Variants in MCF2L observed in about 807,000 individuals in gnomAD.
MCF2L encodes the protein guanine nucleotide exchange factor DBS.
Under a neutral mutation model 153.4 loss-of-function variants are expected in MCF2L, and 97 were observed. The ratio of observed to expected loss-of-function variants is 0.63; its 90% CI spans 0.54 to 0.75. The LOEUF is 0.75. Ranked by LOEUF, MCF2L falls within the 30% of genes least tolerant of loss-of-function variation. MCF2L has a pLI of 0.00. For synonymous variants in MCF2L, 659 were observed against 632.2 expected (o/e 1.04, Z -0.64); for missense variants, 1,347 against 1,495.2 (o/e 0.90, Z 1.64).
At position 113,016,135 on chromosome 13, in the gene MCF2L, C is replaced by G. The variant is rs114880093; in HGVS notation, c.163+1289C>G. 7.4e-3 allele frequency among the ~76,000 whole-genome samples: 1,125 copies of G among 152,308 alleles called. 13 individuals are homozygous for G. Among genetic ancestry groups the G allele is most frequent in the African/African-American group, 0.025 (1,038 of 41,554 alleles). On this transcript the variant is annotated intron_variant, in intron 2 of 29. Transcript: ENST00000535094. The stretch of plus-strand genomic sequence containing the variant: ...TTCTCGATCGTTCCTCAGACGCCAG[C>G]CCAGGAGCTCTGGGGGGGATTTTGC...
At chr13:113,038,478 A>G (rs964212152) in intron 3 of MCF2L, among the ~76,000 whole-genome samples, 106 of 152,140 alleles carry the variant, frequency 7.0e-4, no homozygotes, top group Non-Finnish European at 4.9e-4. Flanking sequence ...AAAAAAAAAA[A>G]AAAGAAAGAA....
At chr13:113,057,193 TGGTGCTGAGTGTTTA>T (rs2030141492) in intron 4 of MCF2L, among the ~76,000 whole-genome samples, 1 of 125,428 alleles carries the variant, frequency 8.0e-6, no homozygotes, top group African/African-American at 3.1e-5. Context: ...CTGTGTGTTT[TGGTGCTGAGTGTTTA>T]GGTGCTGTGT....
intron 2 of MCF2L, among the ~76,000 whole-genome samples, chr13:112,903,250 C>T (rs1297254432): frequency 6.6e-6 from 1 of 152,216 alleles, no homozygotes; most frequent in African/African-American, 2.4e-5. Flanking sequence ...GCTGCCTGCT[C>T]TAAATCTGGT....
At chr13:113,033,413 G>A (rs112286266) in intron 3 of MCF2L, among the ~76,000 whole-genome samples, 69 of 29,620 alleles carry the variant, frequency 2.3e-3, no homozygotes, top group Non-Finnish European at 2.9e-3. Context: ...GGACCCCGTG[G>A]CGTGAGTGGC....
intron 17 of MCF2L, among the ~76,000 whole-genome samples, chr13:113,083,264 C>G (rs559648445): frequency 1.3e-5 from 2 of 152,166 alleles, no homozygotes; most frequent in African/African-American, 2.4e-5. Flanking sequence ...ACCAGCGTGC[C>G]CCACTGGCCA....
chr13:113,076,161 A>G lies in MCF2L; in HGVS notation c.1500+4A>G. The G allele has an allele frequency of 6.2e-7, 1 of 1,607,402 alleles. No homozygotes were observed. Among genetic ancestry groups the G allele is most frequent in the Non-Finnish European group, 8.5e-7 (1 of 1,175,472 alleles). On this transcript the variant is annotated splice_donor_region_variant and intron_variant, in intron 12 of 29. Coordinates refer to ENST00000535094, the MANE Select transcript of MCF2L (RefSeq NM_001112732.3). ...CATCCTCAACCAAGATCTCATGGTA[A>G]CGCTGACTCGGGCTCTCCATTTGCA...
At chr13:112,927,495 T>C (rs1207285523) in intron 2 of MCF2L, among the ~76,000 whole-genome samples, 1 of 152,150 alleles carries the variant, frequency 6.6e-6, no homozygotes, top group Non-Finnish European at 1.5e-5. Flanking sequence ...GAAAAATGTT[T>C]CCAACGAGCC....
Position 112,943,992 on chromosome 13 carries a change from TGAGGGGAGGGTCCCGGGCCTTGAGGG to T in MCF2L, c.169+41631_169+41656del, listed in dbSNP as rs1159946448. 1.3e-4 allele frequency among the ~76,000 whole-genome samples: 15 copies of T among 115,384 alleles called. No homozygotes were observed. Among genetic ancestry groups the T allele is most frequent in the Admixed American group, 1.0e-3 (12 of 11,974 alleles). The allele number at this position is 115,384 out of a possible 152,430, so 75.7% of individuals were successfully genotyped here. On this transcript the variant is annotated intron_variant, in intron 2 of 29. Transcript: ENST00000375608. The surrounding 1 kb of genome is among the most constrained non-coding windows in gnomAD (Gnocchi z 4.2). ...CGGGCCGTGAGGGGAGGGTCCCGGG[TGAGGGGAGGGTCCCGGGCCTTGAGGG>T]GAGGGGAGGATCCTAGGCCGTGAGG...
At chr13:113,088,991 C>T (rs544580651) in intron 25 of MCF2L, among the ~76,000 whole-genome samples, 1 of 152,382 alleles carries the variant, frequency 6.6e-6, no homozygotes, top group South Asian at 2.1e-4. Flanking sequence ...GACTCCGACC[C>T]TGACCGTGGC....
rs990359105 is a variant in MCF2L, at chr13:113,053,670, G to A, written c.370-6923G>A. 1.5e-4 allele frequency among the ~76,000 whole-genome samples: 23 copies of A among 152,194 alleles called. No individual in the cohort carries two copies. The highest frequency in any genetic ancestry group is 2.9e-4 in the Non-Finnish European group (20 of 68,032). On this transcript the variant is annotated intron_variant, in intron 4 of 29. Transcript: ENST00000535094. The surrounding 1 kb of genome is among the most constrained non-coding windows in gnomAD (Gnocchi z 4.4). Reference sequence around the variant, plus strand: ...CCGTTTCTGCCTGAATGGGTGGTTCGGTGGTGGTTGCCACAGGGCTGTGTT... The same window carrying A: ...CCGTTTCTGCCTGAATGGGTGGTTCAGTGGTGGTTGCCACAGGGCTGTGTT...
intron 1 of MCF2L, among the ~76,000 whole-genome samples, chr13:112,985,958 C>T (rs909795379): frequency 2.0e-5 from 3 of 152,244 alleles, no homozygotes. Flanking sequence ...GAGCTTCCCA[C>T]GGTCAGCCGT....
chr13:112,952,354 C>A (rs1178266754), intron 2 of MCF2L, among the ~76,000 whole-genome samples: 1 of 152,134 alleles, frequency 6.6e-6, no homozygotes, highest in Non-Finnish European at 1.5e-5. Context: ...GTGGGTGGCC[C>A]AGGGATGCTT....
Position 113,089,956 on chromosome 13 carries a change from C to A in MCF2L, c.2953+228C>A. On this transcript the variant is annotated intron_variant, in intron 26 of 29. Coordinates refer to ENST00000535094, the MANE Select transcript of MCF2L (RefSeq NM_001112732.3). Reference sequence around the variant, plus strand: ...CAGCAAGGCCAGCCCCAGAAGGAGCCTCGGCCGAGCGTGCAACCCGGAGCC... The same window carrying A: ...CAGCAAGGCCAGCCCCAGAAGGAGCATCGGCCGAGCGTGCAACCCGGAGCC... 6 of 1,596,756 alleles carry A rather than the reference C, an allele frequency of 3.8e-6. No homozygotes were observed. The South Asian group carries it at 6.7e-5, about 18-fold the overall frequency.
intron 1 of MCF2L, among the ~76,000 whole-genome samples, chr13:112,976,318 C>G (rs2082212776): frequency 6.6e-6 from 1 of 152,212 alleles, no homozygotes; most frequent in South Asian, 2.1e-4. Flanking sequence ...ACTTAATTCA[C>G]TAAAGGAAAG....
chr13:113,089,573 C>T, intron 25 of MCF2L, 37 bp from the exon 26 acceptor site: 6 of 1,422,596 alleles, frequency 4.2e-6, no homozygotes, highest in Non-Finnish European at 6.0e-6. Context: ...AACCAGGCAA[C>T]ACACTATTTC....
chr13:113,081,183 T>C, intron 15 of MCF2L, 30 bp from the exon 16 acceptor site: 2 of 1,554,520 alleles, frequency 1.3e-6, no homozygotes, highest in Non-Finnish European at 1.7e-6. Context: ...AGTGCTAACC[T>C]TTTTTGCTCT....
At chr13:113,018,012 C>T (rs930632534) in intron 2 of MCF2L, among the ~76,000 whole-genome samples, 1 of 152,198 alleles carries the variant, frequency 6.6e-6, no homozygotes, top group Admixed American at 6.5e-5. Context: ...TGCTGTCTGC[C>T]GCGGAGCCAT....
rs1261488335 is a variant in MCF2L, at chr13:112,907,834, G to T, written c.169+5463G>T. ...CAGCAGCACGCCGTGTTAAAGAACA[G>T]CGCATGTTGGGAGAATGAGCACCCA... On this transcript the variant is annotated intron_variant, in intron 2 of 29. Coordinates refer to the MCF2L transcript ENST00000375608. The surrounding 1 kb of genome is among the most constrained non-coding windows in gnomAD (Gnocchi z 5.1). 6.6e-6 allele frequency among the ~76,000 whole-genome samples: 1 copy of T among 152,178 alleles called. No homozygotes were observed. The highest frequency in any genetic ancestry group is 2.4e-5 in the African/African-American group (1 of 41,436).
intron 2 of MCF2L, among the ~76,000 whole-genome samples, chr13:113,023,961 A>G (rs548861081): frequency 1.3e-5 from 2 of 152,316 alleles, no homozygotes; most frequent in South Asian, 4.1e-4. Flanking sequence ...TCCCAAGCTC[A>G]CTTCCGCTGA....
Sources: allele counts gnomAD v4.1 joint callset (sites outside exome capture counted in the v4.1 genomes callset), GRCh38; gene constraint gnomAD v4.1.1; non-coding constraint Gnocchi (gnomAD v3.1); transcripts MANE v1.5; gene names NCBI Gene and HGNC (gene_info 2026-07-23, HGNC 2026-07-21).